RCC1L: variants seen among roughly 807,000 people sequenced by gnomAD.
RCC1L encodes RCC1 like.
A neutral mutation model predicts 58.6 loss-of-function variants in RCC1L; 46 were observed. The ratio of observed to expected loss-of-function variants is 0.79; its 90% confidence interval spans 0.62 to 1.00. RCC1L has a LOEUF of 1.00. Ranked by LOEUF, RCC1L falls within the 50% of genes least tolerant of loss-of-function variation. The probability of loss-of-function intolerance (pLI) is 0.00; values close to 1 mark genes in which losing one functional copy is unlikely to be tolerated. For synonymous variants in RCC1L, 281 were observed against 262.9 expected (o/e 1.07, Z -0.67); for missense variants, 636 against 623.6 (o/e 1.02, Z -0.21).
intron 9 of RCC1L, among the ~76,000 whole-genome samples, chr7:75,055,231 A>G (rs1029624614): frequency 6.6e-6 from 1 of 152,240 alleles, no homozygotes; most frequent in South Asian, 2.1e-4. Flanking sequence ...CGAGTCAACT[A>G]AAGAGCAGCA....
rs1489843358 is a variant in RCC1L at position 75,062,471 on chromosome 7, G to A, written c.702+821C>T. Among the ~76,000 whole-genome samples, 4 of 152,164 alleles carry A rather than the reference G, an allele frequency of 2.6e-5. No individual in the cohort carries two copies. The East Asian group carries it at 7.7e-4, about 29-fold the overall frequency. ...TGCAGTGAGCTATGATCGTGCCACTGCATTCCAGCCTAGGCAACAGAATGA... is the reference window on the plus strand; with the variant it reads ...TGCAGTGAGCTATGATCGTGCCACTACATTCCAGCCTAGGCAACAGAATGA... On this transcript the variant is annotated intron_variant, in intron 5 of 10. Coordinates refer to ENST00000610322, the MANE Select transcript of RCC1L (RefSeq NM_030798.5).
intron 1 of RCC1L, among the ~76,000 whole-genome samples, chr7:75,072,218 G>A (rs1806789052): frequency 9.6e-6 from 1 of 104,374 alleles, no homozygotes; most frequent in African/African-American, 3.3e-5. Flanking sequence ...AGAGAGATGA[G>A]TTCTCACTGT....
At chr7:75,071,374 G>A (rs1434896428) in intron 1 of RCC1L, among the ~76,000 whole-genome samples, 8 of 152,090 alleles carry the variant, frequency 5.3e-5, no homozygotes, top group Admixed American at 5.3e-4. Context: ...GCCGAGTACG[G>A]TGGCTCACAC....
chr7:75,056,029 C>T lies in RCC1L; in HGVS notation c.1103G>A (p.Gly368Asp), dbSNP rs1226523661. 2 of 1,613,802 alleles carry T rather than the reference C, an allele frequency of 1.2e-6. No individual in the cohort carries two copies. Among genetic ancestry groups the T allele is most frequent in the African/African-American group, 2.7e-5 (2 of 74,896 alleles). Residue 368 changes from glycine to aspartate, a missense_variant, in exon 9 of 11, where the codon GGT (glycine) becomes GAT (aspartate). Gly to Asp is a moderately conservative substitution (Grantham distance 94). Coordinates refer to ENST00000610322, the MANE Select transcript of RCC1L (RefSeq NM_030798.5). Reference sequence around the variant, plus strand: ...GACGGCACTTTCCACTAGGTTTGGACCTTTCCCAAGAATTCCATAGCCCCA... The same window carrying T: ...GACGGCACTTTCCACTAGGTTTGGATCTTTCCCAAGAATTCCATAGCCCCA... ...FVWGYGILGK[G>D]PNLVESAVPE...
chr7:75,073,049 ACTC>A (rs1191848885), intron 1 of RCC1L, among the ~76,000 whole-genome samples: 3 of 152,000 alleles, frequency 2.0e-5, no homozygotes, highest in Non-Finnish European at 4.4e-5. Context: ...TAACATCAGA[ACTC>A]CTGCAGTCAC....
rs1252437380 is a variant in RCC1L at position 75,052,013 on chromosome 7, T to C, written c.1317+698A>G. Among the ~76,000 whole-genome samples the C allele has an allele frequency of 3.3e-5, 5 of 152,164 alleles. No homozygotes were observed. The East Asian group carries it at 7.7e-4, about 23-fold the overall frequency. The stretch of plus-strand genomic sequence containing the variant: ...AAAAAACCCCAAAAACCTCCTTTTT[T>C]AGAATGCCTTAAAGAACTGACTTAG... On this transcript the variant is annotated intron_variant, in intron 10 of 10. Coordinates refer to ENST00000610322, the MANE Select transcript of RCC1L (RefSeq NM_030798.5).
intron 10 of RCC1L, among the ~76,000 whole-genome samples, chr7:75,048,266 CAAAAAAAAA>C (rs1166086711): frequency 1.0e-5 from 1 of 95,766 alleles, no homozygotes; most frequent in Non-Finnish European, 2.1e-5. Flanking sequence ...GACATCGCCT[CAAAAAAAAA>C]AAAAAAAAAA....
intron 10 of RCC1L, among the ~76,000 whole-genome samples, chr7:75,052,061 C>T (rs1240417407): frequency 6.6e-6 from 1 of 152,170 alleles, no homozygotes; most frequent in Non-Finnish European, 1.5e-5. Context: ...AGGTAAACTA[C>T]AATTTTAGAA....
chr7:75,041,168 C>T (rs980911491), downstream of RCC1L, among the ~76,000 whole-genome samples: 7 of 152,004 alleles, frequency 4.6e-5, no homozygotes, highest in Admixed American at 2.0e-4. Context: ...GAGCCGAGAT[C>T]GCGCCACTGC....
exon 11 of RCC1L, chr7:75,027,447 ATGGGC>A (rs1469444915): frequency 6.5e-6 from 1 of 154,318 alleles, no homozygotes; most frequent in East Asian, 1.9e-4. Flanking sequence ...GGCCTGCTGA[ATGGGC>A]CACACGCTGC....
intron 10 of RCC1L, among the ~76,000 whole-genome samples, chr7:75,051,435 A>G (rs1805912773): frequency 1.3e-5 from 2 of 151,156 alleles, no homozygotes; most frequent in Admixed American, 1.3e-4. Context: ...TTTTTGAGAC[A>G]CAGTCTCCCT....
chr7:75,027,911 TG>T, exon 11 of RCC1L: 3 of 1,113,786 alleles, frequency 2.7e-6, no homozygotes, highest in Non-Finnish European at 3.9e-6. Context: ...CCTGGTCTGC[TG>T]GGTGGGAGGG....
At chr7:75,055,650 G>C in intron 9 of RCC1L, 1 of 533,320 alleles carries the variant, frequency 1.9e-6, no homozygotes, top group South Asian at 2.1e-5. Flanking sequence ...GCTCTCTTGA[G>C]AAAATGCACG....
At chr7:75,073,060 C>A (rs1554446384) in intron 1 of RCC1L, among the ~76,000 whole-genome samples, 2 of 152,232 alleles carry the variant, frequency 1.3e-5, no homozygotes, top group African/African-American at 4.8e-5. Context: ...CTCCTGCAGT[C>A]ACGCTGGCCT....
intron 9 of RCC1L, among the ~76,000 whole-genome samples, chr7:75,053,477 C>T (rs964291286): frequency 3.9e-5 from 6 of 152,194 alleles, no homozygotes; most frequent in Non-Finnish European, 8.8e-5. Context: ...TGGGAGCATT[C>T]AGCCACAGGG....
intron 10 of RCC1L, among the ~76,000 whole-genome samples, chr7:75,028,500 G>A (rs1206664344): frequency 6.6e-6 from 1 of 151,954 alleles, no homozygotes; most frequent in Non-Finnish European, 1.5e-5. Context: ...GCCCCTGTGT[G>A]GTTCTCCATT....
At chr7:75,073,003 T>C (rs1806822653) in intron 1 of RCC1L, among the ~76,000 whole-genome samples, 1 of 152,160 alleles carries the variant, frequency 6.6e-6, no homozygotes, top group African/African-American at 2.4e-5. Context: ...CCTCAGCTGG[T>C]ATACATTTTC....
At chr7:75,047,416 G>A (rs971048051) in intron 10 of RCC1L, among the ~76,000 whole-genome samples, 10 of 152,218 alleles carry the variant, frequency 6.6e-5, no homozygotes, top group South Asian at 4.2e-4. Flanking sequence ...ACAGGCACAC[G>A]CCACTGCACC....
At chr7:75,028,076 G>T (rs1805187610) in exon 11 of RCC1L, 1 of 1,532,514 alleles carries the variant, frequency 6.5e-7, no homozygotes, top group African/African-American at 1.4e-5. Flanking sequence ...GATGGGGCAG[G>T]TGCCTGGCGG....
Sources: allele counts gnomAD v4.1 joint callset (sites outside exome capture counted in the v4.1 genomes callset), GRCh38; gene constraint gnomAD v4.1.1; transcripts MANE v1.5; gene names NCBI Gene and HGNC (gene_info 2026-07-23, HGNC 2026-07-21).